Variants in CTNNA3 observed in about 807,000 individuals in gnomAD.
CTNNA3 encodes the protein catenin alpha 3, also known as catenin alpha-3.
In CTNNA3, 76 loss-of-function variants were observed where a neutral mutation model predicts 95.7. The ratio of observed to expected loss-of-function variants is 0.79; its 90% CI spans 0.66 to 0.96. The LOEUF (loss-of-function observed/expected upper bound fraction) is 0.96. Among genes scored for constraint, CTNNA3 ranks in the 40% least tolerant of loss-of-function variants. CTNNA3 has a pLI of 0.00. For synonymous variants in CTNNA3, 431 were observed against 374.4 expected (o/e 1.15, Z -1.74); for missense variants, 1,191 against 1,089.8 (o/e 1.09, Z -1.31).
intron 7 of CTNNA3, among the ~76,000 whole-genome samples, chr10:66,985,569 G>A (rs78426190): frequency 0.011 from 1,750 of 152,212 alleles, 33 homozygotes; most frequent in African/African-American, 0.04. Flanking sequence ...CAGAAGTAAG[G>A]CAGACCAACG....
intron 15 of CTNNA3, among the ~76,000 whole-genome samples, chr10:66,009,951 T>C (rs796972473): frequency 4.6e-5 from 7 of 152,346 alleles, no homozygotes; most frequent in African/African-American, 1.7e-4. Flanking sequence ...ATAAGCTTCA[T>C]GGTTTTGAGT....
At chr10:66,914,706 A>G (rs1846396249) in intron 7 of CTNNA3, among the ~76,000 whole-genome samples, 1 of 152,204 alleles carries the variant, frequency 6.6e-6, no homozygotes, top group Non-Finnish European at 1.5e-5. Context: ...TTGGGGGATC[A>G]GCAAACTGTT....
intron 7 of CTNNA3, among the ~76,000 whole-genome samples, chr10:67,090,399 G>A (rs1481258379): frequency 6.6e-6 from 1 of 152,020 alleles, no homozygotes; most frequent in East Asian, 1.9e-4. Context: ...CACACTAATG[G>A]AAATAAGAGC....
chr10:66,756,441 G>A (rs976585095), intron 9 of CTNNA3, among the ~76,000 whole-genome samples: 1 of 152,082 alleles, frequency 6.6e-6, no homozygotes. Context: ...AGTGATGGGA[G>A]CATTTCTTAA....
At chr10:66,508,210 G>GTTTTTTTTTTTTTTTTTTTTTT (rs756807793) in intron 11 of CTNNA3, among the ~76,000 whole-genome samples, 18 of 108,412 alleles carry the variant, frequency 1.7e-4, no homozygotes, top group African/African-American at 5.7e-4. Flanking sequence ...TTTGTTTTCT[G>GTTTTTTTTTTTTTTTTTTTTTT]TTTTTTTTTT....
At chr10:67,178,110 GGATA>G (rs1737075805) in intron 7 of CTNNA3, among the ~76,000 whole-genome samples, 1 of 152,010 alleles carries the variant, frequency 6.6e-6, no homozygotes, top group South Asian at 2.1e-4. Flanking sequence ...TGACTTCCTG[GGATA>G]GGTCCTCAGC....
At chr10:67,659,805 C>G (rs929138298) in intron 1 of CTNNA3, among the ~76,000 whole-genome samples, 1 of 152,180 alleles carries the variant, frequency 6.6e-6, no homozygotes, top group Admixed American at 6.5e-5. Context: ...TGTAAAACAG[C>G]TCAACTGTAT....
At chr10:66,408,794 A>G (rs10997107) in intron 11 of CTNNA3, among the ~76,000 whole-genome samples, 20,481 of 152,148 alleles carry the variant, frequency 0.13, 1,768 homozygotes, top group African/African-American at 0.25. Context: ...ACAGTGTATA[A>G]AACCTAGCTG....
chr10:67,580,287 T>A (rs1244456705), intron 3 of CTNNA3, among the ~76,000 whole-genome samples: 1 of 152,236 alleles, frequency 6.6e-6, no homozygotes, highest in East Asian at 1.9e-4. Flanking sequence ...TAGCAAGTTT[T>A]CCCAGCACCA....
chr10:67,038,935 G>A (rs942787), intron 7 of CTNNA3, among the ~76,000 whole-genome samples: 130,377 of 151,988 alleles, frequency 0.86, 56,458 homozygotes, highest in Middle Eastern at 0.93. Context: ...TGTAGCATAT[G>A]TAAAAAATAG....
intron 5 of CTNNA3, among the ~76,000 whole-genome samples, chr10:67,341,970 C>T (rs1441718235): frequency 1.3e-5 from 2 of 150,230 alleles, no homozygotes; most frequent in South Asian, 2.1e-4. Context: ...CTTCCATATG[C>T]CTTTTTGCCA....
intron 11 of CTNNA3, among the ~76,000 whole-genome samples, chr10:66,381,474 AG>A (rs1323237040): frequency 6.6e-6 from 1 of 152,214 alleles, no homozygotes. Flanking sequence ...TCTGAGGGAA[AG>A]AATTTTATCT....
At chr10:67,168,132 T>A (rs1861862089) in intron 7 of CTNNA3, among the ~76,000 whole-genome samples, 1 of 151,916 alleles carries the variant, frequency 6.6e-6, no homozygotes, top group Non-Finnish European at 1.5e-5. Context: ...TGAGACTCCA[T>A]CTCAAAATAA....
chr10:67,475,853 G>A lies in CTNNA3; in HGVS notation c.579+45989C>T, dbSNP rs7076866. Reference sequence around the variant, plus strand: ...AAGTTTGGATTTAATCTGAATGGAGGTAAGAAATCACTATCGTTTCTTTAG... The same window carrying A: ...AAGTTTGGATTTAATCTGAATGGAGATAAGAAATCACTATCGTTTCTTTAG... On this transcript the variant is annotated intron_variant, in intron 5 of 17. Coordinates refer to ENST00000433211, the MANE Select transcript of CTNNA3 (RefSeq NM_013266.4). Among the ~76,000 whole-genome samples the A allele has an allele frequency of 8.6e-3, 1,311 of 152,288 alleles. 23 individuals are homozygous for A. Among genetic ancestry groups the A allele is most frequent in the African/African-American group, 0.03 (1,258 of 41,552 alleles).
intron 5 of CTNNA3, among the ~76,000 whole-genome samples, chr10:67,230,736 T>G (rs1033672311): frequency 6.6e-6 from 1 of 152,096 alleles, no homozygotes; most frequent in Non-Finnish European, 1.5e-5. Context: ...AGAAGACAGG[T>G]GATTTCTGCA....
At chr10:66,377,133 A>G (rs2092801560) in intron 12 of CTNNA3, among the ~76,000 whole-genome samples, 1 of 152,176 alleles carries the variant, frequency 6.6e-6, no homozygotes, top group African/African-American at 2.4e-5. Context: ...GACATAAACA[A>G]AAATGGAAAG....
chr10:67,206,733 A>C (rs757463099), intron 6 of CTNNA3, among the ~76,000 whole-genome samples: 5 of 151,524 alleles, frequency 3.3e-5, no homozygotes, highest in Non-Finnish European at 7.4e-5. Context: ...TGATTCTAGA[A>C]TCTAGATTCT....
intron 10 of CTNNA3, among the ~76,000 whole-genome samples, chr10:66,568,849 C>G (rs1227960968): frequency 1.3e-5 from 2 of 151,768 alleles, no homozygotes; most frequent in African/African-American, 4.8e-5. Flanking sequence ...GGCAGAATGA[C>G]AAAGGAAACC....
intron 14 of CTNNA3, among the ~76,000 whole-genome samples, chr10:66,069,690 TATA>T (rs1432437396): frequency 6.6e-6 from 1 of 152,196 alleles, no homozygotes; most frequent in African/African-American, 2.4e-5. Flanking sequence ...GCTCTAGAAC[TATA>T]ATGTTACATT....
Sources: gnomAD v4.1 joint callset for allele counts (sites outside exome capture counted in the v4.1 genomes callset) on GRCh38, gnomAD v4.1.1 for gene constraint, MANE v1.5 for transcripts, NCBI Gene and HGNC (gene_info 2026-07-23, HGNC 2026-07-21) for gene names.